The following AMPD2 variants were observed in gnomAD, a reference collection of about 807,000 sequenced individuals.
The protein encoded by AMPD2 is adenosine monophosphate deaminase 2, also known as AMP deaminase 2.
In AMPD2, 52 loss-of-function variants were observed where a neutral mutation model predicts 91.3. The ratio of observed to expected loss-of-function variants is 0.57; its 90% CI spans 0.46 to 0.72. The LOEUF is 0.72. AMPD2 is among the 30% of genes least tolerant of loss of function. AMPD2 has a pLI of 0.00. For missense variants in AMPD2, 822 were observed against 1,122.3 expected (o/e 0.73, Z 3.82); for synonymous variants, 455 against 456.4 (o/e 1.00, Z 0.04).
intron 2 of AMPD2, among the ~76,000 whole-genome samples, chr1:109,623,386 A>G (rs1010016623): frequency 6.6e-6 from 1 of 152,168 alleles, no homozygotes; most frequent in Admixed American, 6.5e-5. Context: ...TATTCTGGAC[A>G]GTTTGTCCTG....
At position 109,631,516 on chromosome 1, in the gene AMPD2, T is replaced by C; in HGVS notation, c.*364T>C. On this transcript the variant is annotated 3_prime_UTR_variant, in exon 19 of 19. Coordinates refer to ENST00000528667, the MANE Select transcript of AMPD2 (RefSeq NM_001368809.2). ...CTTTCCGGTCCTTCCTGGGCAAATC[T>C]AAGCCTTGGCCAGGGCCGAAGTTTA... 5.6e-6 allele frequency: 2 copies of C among 354,316 alleles called. No homozygotes were observed. The highest frequency in any genetic ancestry group is 4.4e-5 in the Admixed American group (1 of 22,670). The allele number at this position is 354,316 out of a possible 1,614,324, so 21.9% of individuals were successfully genotyped here. A position where few individuals can be genotyped will look rare whatever the true frequency, so the allele number is the denominator to read the frequency against.
chr1:109,629,757 C>T (rs764833847), intron 15 of AMPD2, 39 bp from the exon 16 acceptor site: 1 of 1,553,292 alleles, frequency 6.4e-7, no homozygotes, highest in Admixed American at 1.9e-5. Context: ...CCCAGGTGAT[C>T]CCAGGCTCAG....
At chr1:109,626,697 G>A in intron 6 of AMPD2, 29 bp from the exon 7 acceptor site, 2 of 1,601,112 alleles carry the variant, frequency 1.2e-6, no homozygotes, top group Non-Finnish European at 1.7e-6. Flanking sequence ...CCAAGACTGA[G>A]GAGAGTGATC....
intron 18 of AMPD2, 61 bp from the exon 19 acceptor site, chr1:109,630,882 G>A (rs1651189754): frequency 6.2e-7 from 1 of 1,604,652 alleles, no homozygotes; most frequent in South Asian, 1.1e-5. Context: ...GGATGGCTTG[G>A]GGTGGGGCAT....
At chr1:109,622,276 C>A in intron 2 of AMPD2, 1 of 456,312 alleles carries the variant, frequency 2.2e-6, no homozygotes, top group South Asian at 1.5e-5. Flanking sequence ...TGGGGCCCTT[C>A]CTGGCCCTGT....
Position 109,628,934 on chromosome 1 carries a change from C to A in AMPD2, c.1571+128C>A. On this transcript the variant is annotated intron_variant, in intron 13 of 18. Coordinates refer to ENST00000528667, the MANE Select transcript of AMPD2 (RefSeq NM_001368809.2). The surrounding 1 kb of genome is among the most constrained non-coding windows in gnomAD (Gnocchi z 7.1). The stretch of plus-strand genomic sequence containing the variant: ...CAACCCCTCTGAGTGCAAGGAAGGG[C>A]TTCCTGGTCCCATCCATGGTCTGTC... The A allele has an allele frequency of 7.0e-7, 1 of 1,429,820 alleles. No homozygotes were observed. Among genetic ancestry groups the A allele is most frequent in the Non-Finnish European group, 9.3e-7 (1 of 1,070,850 alleles). The allele number at this position is 1,429,820 out of a possible 1,614,324, so 88.6% of individuals were successfully genotyped here.
intron 7 of AMPD2, 33 bp downstream of exon 7, chr1:109,626,945 G>A (rs761829369): frequency 6.3e-7 from 1 of 1,595,012 alleles, no homozygotes. Flanking sequence ...CATGCCATGT[G>A]CCCTAGCCTC....
At chr1:109,621,484 T>A in intron 2 of AMPD2, 1 of 655,756 alleles carries the variant, frequency 1.5e-6, no homozygotes, top group Non-Finnish European at 2.7e-6. Flanking sequence ...AGGGATGCTG[T>A]CCTCTGTCAC....
rs760688754 is a variant in AMPD2 at position 109,625,451 on chromosome 1, C to T, written c.222+18C>T. ...TCGCCGAGGTATCACCTGGCACCAC[C>T]CGCACCCTCACCCCGTGTCTCCATG... On this transcript the variant is annotated intron_variant, in intron 3 of 18. Transcript: ENST00000528667. This position sits in a 1 kb window ranked among gnomAD's most constrained non-coding sequence, Gnocchi z 4.0. The T allele has an allele frequency of 3.1e-6, 5 of 1,613,720 alleles. No individual in the cohort carries two copies. The highest frequency in any genetic ancestry group is 1.6e-4 in the Middle Eastern group (1 of 6,080).
intron 2 of AMPD2, chr1:109,621,532 T>TGCC: frequency 1.7e-6 from 1 of 586,020 alleles, no homozygotes; most frequent in Non-Finnish European, 3.1e-6. Context: ...AAGAGGTGTG[T>TGCC]ATGCACACGT....
rs1650957012 is a variant in AMPD2, at chr1:109,628,892, G to A, written c.1571+86G>A. The A allele has an allele frequency of 2.0e-6, 3 of 1,487,178 alleles. No homozygotes were observed. Among genetic ancestry groups the A allele is most frequent in the Non-Finnish European group, 2.7e-6 (3 of 1,110,238 alleles). 92.1% of individuals were successfully genotyped at this position (1,487,178 alleles called of 1,614,324 possible). A position where few individuals can be genotyped will look rare whatever the true frequency, so the allele number is the denominator to read the frequency against. ...CCTCCTGCCCTCCTAGGATGGCTGA[G>A]CCTCCCTTGTCCCTGCCAACCCCTC... On this transcript the variant is annotated intron_variant, in intron 13 of 18. Coordinates refer to ENST00000528667, the MANE Select transcript of AMPD2 (RefSeq NM_001368809.2). The surrounding 1 kb of genome is among the most constrained non-coding windows in gnomAD (Gnocchi z 7.1).
rs904712067 is a variant in AMPD2 at position 109,625,120 on chromosome 1, G to A, written c.92-183G>A. 1.3e-5 allele frequency among the ~76,000 whole-genome samples: 2 copies of A among 152,088 alleles called. No individual in the cohort carries two copies. Among genetic ancestry groups the A allele is most frequent in the African/African-American group, 2.4e-5 (1 of 41,410 alleles). On this transcript the variant is annotated intron_variant, in intron 2 of 18. Coordinates refer to ENST00000528667, the MANE Select transcript of AMPD2 (RefSeq NM_001368809.2). The surrounding 1 kb of genome is among the most constrained non-coding windows in gnomAD (Gnocchi z 4.0). ...CCTGGAATGGGTGAGGGGTCCCTGCGTTAGAGGTGAGGGTGAGCCCTTTGG... is the reference window on the plus strand; with the variant it reads ...CCTGGAATGGGTGAGGGGTCCCTGCATTAGAGGTGAGGGTGAGCCCTTTGG...
chr1:109,630,216 C>A lies in AMPD2; in HGVS notation c.1984-17C>A. The A allele has an allele frequency of 6.2e-7, 1 of 1,610,398 alleles. No individual in the cohort carries two copies. Among genetic ancestry groups the A allele is most frequent in the Non-Finnish European group, 8.5e-7 (1 of 1,179,942 alleles). On this transcript the variant is annotated splice_polypyrimidine_tract_variant and intron_variant, in intron 16 of 18. Transcript: ENST00000528667. ...CGGGGCCACCTGACAGGCCCTCCCT[C>A]CCTGTTGCCTGCCCAGGCCCCCGTC...
rs774577364 is a variant in AMPD2, at chr1:109,626,311, C to G, written c.423-8C>G. On this transcript the variant is annotated splice_region_variant and splice_polypyrimidine_tract_variant and intron_variant, in intron 5 of 18. Coordinates refer to ENST00000528667, the MANE Select transcript of AMPD2 (RefSeq NM_001368809.2). ...TCTAAACCCCTCCCTTGAATGCACCCCCTGCAGGCTCTACAAGGAACAGGG... is the reference window on the plus strand; with the variant it reads ...TCTAAACCCCTCCCTTGAATGCACCGCCTGCAGGCTCTACAAGGAACAGGG... 10 of 1,613,596 alleles carry G rather than the reference C, an allele frequency of 6.2e-6. No homozygotes were observed. Among genetic ancestry groups the G allele is most frequent in the Non-Finnish European group, 8.5e-6 (10 of 1,179,670 alleles).
chr1:109,628,052 G>T lies in AMPD2; in HGVS notation c.1081-31G>T. ...CAGGCCCCAGACCTTCCTGGCCTCT[G>T]GTGGATCAGCAGTGCCCTGTTCCAT... On this transcript the variant is annotated intron_variant, in intron 10 of 18. Transcript: ENST00000528667. This position sits in a 1 kb window ranked among gnomAD's most constrained non-coding sequence, Gnocchi z 7.1. The T allele has an allele frequency of 6.2e-7, 1 of 1,605,862 alleles. No individual in the cohort carries two copies. Among genetic ancestry groups the T allele is most frequent in the South Asian group, 1.1e-5 (1 of 90,230 alleles).
Position 109,625,256 on chromosome 1 carries a change from A to T in AMPD2, c.92-47A>T. 1 of 1,599,018 alleles carries T rather than the reference A, an allele frequency of 6.3e-7. No individual in the cohort carries two copies. The highest frequency in any genetic ancestry group is 8.5e-7 in the Non-Finnish European group (1 of 1,171,386). ...GGCAGGGCAGGGGCCCAGGGCTTTC[A>T]GGGGCTGCCCCTCCACCCTTTGACC... On this transcript the variant is annotated intron_variant, in intron 2 of 18. Coordinates refer to ENST00000528667, the MANE Select transcript of AMPD2 (RefSeq NM_001368809.2). The surrounding 1 kb of genome is among the most constrained non-coding windows in gnomAD (Gnocchi z 4.0).
Position 109,620,931 on chromosome 1 carries a change from C to CA in AMPD2, c.-244dup. The CA allele has an allele frequency of 6.7e-7, 1 of 1,498,626 alleles. No homozygotes were observed. The highest frequency in any genetic ancestry group is 8.9e-7 in the Non-Finnish European group (1 of 1,124,316). The allele number at this position is 1,498,626 out of a possible 1,614,324, so 92.8% of individuals were successfully genotyped here. A position where few individuals can be genotyped will look rare whatever the true frequency, so the allele number is the denominator to read the frequency against. Reference sequence around the variant, plus strand: ...CCCGCCAGGCCCAGCCACCATCAGTCACGTCACTCCTGGGACTGAGGAGGC... The same window carrying CA: ...CCCGCCAGGCCCAGCCACCATCAGTCAACGTCACTCCTGGGACTGAGGAGGC... On this transcript the variant is annotated 5_prime_UTR_variant, in exon 2 of 19. The change creates a premature stop within an existing upstream ORF in the 5' untranslated region. Coordinates refer to ENST00000528667, the MANE Select transcript of AMPD2 (RefSeq NM_001368809.2).
chr1:109,630,415 C>T lies in AMPD2; in HGVS notation c.2157+9C>T, dbSNP rs749188487. Reference sequence around the variant, plus strand: ...AGTTCCACTTCACCAAGGTCAGAGCCCAGCAGGCAGCCAGGCGGGCGGGCG... The same window carrying T: ...AGTTCCACTTCACCAAGGTCAGAGCTCAGCAGGCAGCCAGGCGGGCGGGCG... On this transcript the variant is annotated intron_variant, in intron 17 of 18. Transcript: ENST00000528667. The T allele has an allele frequency of 8.7e-6, 14 of 1,611,340 alleles. No homozygotes were observed. Among genetic ancestry groups the T allele is most frequent in the Non-Finnish European group, 5.1e-6 (6 of 1,179,426 alleles).
intron 6 of AMPD2, 69 bp from the exon 7 acceptor site, chr1:109,626,657 G>T: frequency 1.3e-6 from 2 of 1,551,174 alleles, no homozygotes; most frequent in Admixed American, 3.7e-5. Context: ...TGGGTTCTAA[G>T]ATAAGGCCTT....
Sources: gnomAD v4.1 joint callset for allele counts (sites outside exome capture counted in the v4.1 genomes callset) on GRCh38, gnomAD v4.1.1 for gene constraint, Gnocchi (gnomAD v3.1) non-coding constraint, MANE v1.5 for transcripts, NCBI Gene and HGNC (gene_info 2026-07-23, HGNC 2026-07-21) for gene names.